Variants in TNFRSF9 observed in about 807,000 individuals in gnomAD.
TNFRSF9 encodes tumor necrosis factor receptor superfamily member 9.
Under a neutral mutation model 28.8 loss-of-function variants are expected in TNFRSF9, and 16 were observed. The observed-to-expected ratio is 0.55, with a 90% CI of 0.38 to 0.84. The LOEUF is 0.84. TNFRSF9 is among the 40% of genes least tolerant of loss of function. TNFRSF9 has a pLI of 0.00. For synonymous variants in TNFRSF9, 131 were observed against 117.0 expected (o/e 1.12, Z -0.77); for missense variants, 303 against 315.0 (o/e 0.96, Z 0.29).
chr1:7,929,967 CT>C (rs56299901), intron 7 of TNFRSF9, among the ~76,000 whole-genome samples: 31 of 113,086 alleles, frequency 2.7e-4, no homozygotes, highest in African/African-American at 4.9e-4. Context: ...GACCTAAAAC[CT>C]TTTTTTTTTT....
intron 7 of TNFRSF9, chr1:7,921,960 T>C (rs944725635): frequency 1.3e-5 from 2 of 152,206 alleles, no homozygotes; most frequent in Non-Finnish European, 1.5e-5. Flanking sequence ...CGAGATCCGA[T>C]GGTTTCCTTG....
At chr1:7,934,132 T>C (rs1479413624) in intron 6 of TNFRSF9, among the ~76,000 whole-genome samples, 50 of 152,224 alleles carry the variant, frequency 3.3e-4, no homozygotes, top group Non-Finnish European at 1.3e-4. Context: ...TCCCAACACT[T>C]TGGGAGCCCA....
At chr1:7,937,838 G>A (rs1449624761) in intron 4 of TNFRSF9, 82 bp from the exon 5 acceptor site, 2 of 1,221,434 alleles carry the variant, frequency 1.6e-6, no homozygotes, top group Non-Finnish European at 2.4e-6. Context: ...CTTAATATAA[G>A]TCATTACCAT....
intron 5 of TNFRSF9, among the ~76,000 whole-genome samples, chr1:7,935,992 G>A (rs1639810050): frequency 6.6e-6 from 1 of 152,144 alleles, no homozygotes; most frequent in Non-Finnish European, 1.5e-5. Context: ...TGCTGTTGTT[G>A]TGACACCTTT....
chr1:7,939,574 A>G (rs1578079065), intron 2 of TNFRSF9, among the ~76,000 whole-genome samples: 1 of 152,266 alleles, frequency 6.6e-6, no homozygotes, highest in South Asian at 2.1e-4. Flanking sequence ...CAGTCGGAGC[A>G]CAAAGCCCTA....
intron 6 of TNFRSF9, 54 bp downstream of exon 6, chr1:7,934,959 A>T: frequency 1.2e-6 from 2 of 1,600,722 alleles, no homozygotes; most frequent in East Asian, 4.5e-5. Flanking sequence ...ATTTAGATAC[A>T]ATCTGGAATC....
intron 1 of TNFRSF9, among the ~76,000 whole-genome samples, chr1:7,940,411 G>A (rs1639884452): frequency 6.6e-6 from 1 of 152,140 alleles, no homozygotes; most frequent in African/African-American, 2.4e-5. Flanking sequence ...ATTACTTATT[G>A]CCCCTGAAAT....
intron 7 of TNFRSF9, among the ~76,000 whole-genome samples, chr1:7,925,506 G>T (rs1415935572): frequency 6.6e-6 from 1 of 152,128 alleles, no homozygotes; most frequent in Non-Finnish European, 1.5e-5. Context: ...TCCACGGACT[G>T]GGTGGGTGGG....
chr1:7,924,294 C>CATATATATAT (rs58569630), intron 7 of TNFRSF9, among the ~76,000 whole-genome samples: 16 of 129,994 alleles, frequency 1.2e-4, no homozygotes, highest in African/African-American at 2.0e-4. Context: ...TAGTATATTC[C>CATATATATAT]ATATATATAT....
chr1:7,929,163 T>C (rs1026109210), intron 7 of TNFRSF9, among the ~76,000 whole-genome samples: 36 of 118,944 alleles, frequency 3.0e-4, no homozygotes, highest in African/African-American at 6.8e-4. Flanking sequence ...TTTTCCTTTT[T>C]TTTTTTTTTT....
chr1:7,929,491 G>A lies in TNFRSF9; in HGVS notation c.679+3671C>T, dbSNP rs77877573. 5.6e-3 allele frequency among the ~76,000 whole-genome samples: 856 copies of A among 151,996 alleles called. 6 individuals are homozygous for A. Among genetic ancestry groups the A allele is most frequent in the African/African-American group, 0.02 (816 of 41,460 alleles). On this transcript the variant is annotated intron_variant, in intron 7 of 7. Coordinates refer to ENST00000377507, the MANE Select transcript of TNFRSF9 (RefSeq NM_001561.6). ...CCCTCATTTTTTCTTTTAAAAACTC[G>A]CATCACCTTTACATCCCTGAATACA...
At chr1:7,938,021 C>T (rs570691770) in intron 4 of TNFRSF9, among the ~76,000 whole-genome samples, 172 bp downstream of exon 4, 9 of 152,030 alleles carry the variant, frequency 5.9e-5, no homozygotes, top group East Asian at 3.9e-4. Context: ...GAAGAAATAA[C>T]GGAAATATTT....
intron 7 of TNFRSF9, among the ~76,000 whole-genome samples, chr1:7,932,271 T>C (rs1473682909): frequency 6.6e-6 from 1 of 152,194 alleles, no homozygotes; most frequent in East Asian, 1.9e-4. Flanking sequence ...TTTTATTATA[T>C]CCCTCTTATT....
intron 7 of TNFRSF9, among the ~76,000 whole-genome samples, chr1:7,930,507 C>T (rs1639719157): frequency 6.6e-6 from 1 of 152,042 alleles, no homozygotes; most frequent in East Asian, 1.9e-4. Flanking sequence ...GGATTAAGTC[C>T]AGCACTTTGG....
At chr1:7,924,843 T>A (rs963940425) in intron 7 of TNFRSF9, among the ~76,000 whole-genome samples, 3 of 152,096 alleles carry the variant, frequency 2.0e-5, no homozygotes, top group African/African-American at 7.2e-5. Flanking sequence ...TGTGTTCGTG[T>A]CTTAGTTTTT....
chr1:7,940,295 G>C (rs184705386), intron 1 of TNFRSF9, among the ~76,000 whole-genome samples: 2 of 152,196 alleles, frequency 1.3e-5, no homozygotes, highest in African/African-American at 2.4e-5. Flanking sequence ...GCCAAAGTTT[G>C]AGGGTGCATT....
chr1:7,931,972 C>T lies in TNFRSF9; in HGVS notation c.679+1190G>A, dbSNP rs568313359. Among the ~76,000 whole-genome samples the T allele has an allele frequency of 7.9e-5, 12 of 152,222 alleles. No homozygotes were observed. In the East Asian group the frequency reaches 1.7e-3, roughly 22 times the overall value. On this transcript the variant is annotated intron_variant, in intron 7 of 7. Coordinates refer to ENST00000377507, the MANE Select transcript of TNFRSF9 (RefSeq NM_001561.6). ...CAGCCTGGCCAACATGGAGAAACCC[C>T]GTCTCTACTAAAAATGCAAAATTAG... is the stretch of plus-strand genomic sequence containing the variant.
chr1:7,922,373 CAG>C (rs1639572512), intron 7 of TNFRSF9, among the ~76,000 whole-genome samples: 1 of 152,142 alleles, frequency 6.6e-6, no homozygotes, highest in South Asian at 2.1e-4. Context: ...CTCAGAAAGG[CAG>C]AGAGAGGAAG....
chr1:7,937,782 T>C, intron 4 of TNFRSF9, 26 bp from the exon 5 acceptor site: 3 of 1,587,500 alleles, frequency 1.9e-6, no homozygotes, highest in Non-Finnish European at 1.7e-6. Context: ...AAAGCAATAA[T>C]AAAAGGGAAG....
Sources: gnomAD v4.1 joint callset for allele counts (sites outside exome capture counted in the v4.1 genomes callset) on GRCh38, gnomAD v4.1.1 for gene constraint, MANE v1.5 for transcripts, NCBI Gene and HGNC (gene_info 2026-07-23, HGNC 2026-07-21) for gene names.